CMBL: variants seen among roughly 807,000 people sequenced by gnomAD.
CMBL encodes the protein carboxymethylenebutenolidase homolog (Pseudomonas).
In CMBL, 17 loss-of-function variants were observed where a neutral mutation model predicts 28.7. That is an observed-to-expected ratio of 0.59 (90% CI 0.41 to 0.89). The LOEUF is 0.89. Among genes scored for constraint, CMBL ranks in the 40% least tolerant of loss-of-function variants. The pLI is 0.00. For missense variants in CMBL, 310 were observed against 298.5 expected, an observed-to-expected ratio of 1.04 and a Z score of -0.28; for synonymous variants, 106 against 101.6, an observed-to-expected ratio of 1.04 and a Z score of -0.26.
At chr5:10,307,177 G>A (rs548366546) in intron 1 of CMBL, 135 of 152,330 alleles carry the variant, frequency 8.9e-4, no homozygotes, top group African/African-American at 3.0e-3. Context: ...TGTGGATGCT[G>A]ATTTAGTTGC....
chr5:10,291,868 C>G (rs895347103), intron 1 of CMBL, among the ~76,000 whole-genome samples: 3 of 152,090 alleles, frequency 2.0e-5, no homozygotes, highest in Admixed American at 2.0e-4. Context: ...CGCTGAAGAG[C>G]AGCTCATCAG....
intron 4 of CMBL, among the ~76,000 whole-genome samples, chr5:10,283,112 A>T (rs1746529781): frequency 6.7e-6 from 1 of 149,920 alleles, no homozygotes; most frequent in Non-Finnish European, 1.5e-5. Context: ...AAAAAAGAGG[A>T]TTATAAGAGT....
chr5:10,280,726 A>G (rs1579468686), intron 5 of CMBL, 94 bp from the exon 6 acceptor site: 1 of 1,071,328 alleles, frequency 9.3e-7, no homozygotes, highest in East Asian at 2.4e-5. Flanking sequence ...ATTTAACATC[A>G]ATGCTTTAAA....
chr5:10,305,277 C>T (rs1305657245), intron 1 of CMBL, among the ~76,000 whole-genome samples: 4 of 152,140 alleles, frequency 2.6e-5, no homozygotes, highest in Non-Finnish European at 1.5e-5. Context: ...ATGCATGATT[C>T]CCCATAGACA....
intron 1 of CMBL, among the ~76,000 whole-genome samples, chr5:10,291,288 G>A (rs62362616): frequency 6.6e-6 from 1 of 152,222 alleles, no homozygotes; most frequent in African/African-American, 2.4e-5. Flanking sequence ...CAAAGCAAAA[G>A]GAGAAGAGCT....
intron 1 of CMBL, among the ~76,000 whole-genome samples, chr5:10,299,345 A>G (rs888188726): frequency 6.6e-6 from 1 of 152,214 alleles, no homozygotes; most frequent in African/African-American, 2.4e-5. Flanking sequence ...TAAGGAAACT[A>G]TAATAAAAAC....
intron 1 of CMBL, among the ~76,000 whole-genome samples, chr5:10,297,367 C>T (rs1746826721): frequency 6.6e-6 from 1 of 151,662 alleles, no homozygotes; most frequent in Non-Finnish European, 1.5e-5. Flanking sequence ...GTCAGGAGTT[C>T]GACACCAGCC....
intron 2 of CMBL, among the ~76,000 whole-genome samples, chr5:10,288,849 G>A (rs1232529102): frequency 1.3e-5 from 2 of 152,196 alleles, no homozygotes; most frequent in East Asian, 1.9e-4. Context: ...TGGGCCTGAC[G>A]TGGGTGGCTT....
At chr5:10,302,682 G>A (rs1746921356) in intron 1 of CMBL, among the ~76,000 whole-genome samples, 1 of 151,854 alleles carries the variant, frequency 6.6e-6, no homozygotes, top group Non-Finnish European at 1.5e-5. Flanking sequence ...CAAATGACCA[G>A]CATTAACATT....
chr5:10,300,173 C>T (rs1025437282), intron 1 of CMBL, among the ~76,000 whole-genome samples: 8 of 152,078 alleles, frequency 5.3e-5, no homozygotes, highest in Admixed American at 3.9e-4. Flanking sequence ...GAGGGGAAAA[C>T]GTGGACAAAG....
intron 1 of CMBL, among the ~76,000 whole-genome samples, chr5:10,294,415 T>C (rs1036190700): frequency 2.6e-5 from 4 of 151,976 alleles, no homozygotes; most frequent in African/African-American, 9.7e-5. Flanking sequence ...AATTCAAAAC[T>C]TAACTGGGCA....
At position 10,306,647 on chromosome 5, in the gene CMBL, T is replaced by G. The variant is rs75222090; in HGVS notation, c.-20+978A>C. Reference sequence around the variant, plus strand: ...TGTAGGAACTTGCATGGCAAGTGATTTTCAATCTTGCAGCAGGGAAGGCAG... The same window carrying G: ...TGTAGGAACTTGCATGGCAAGTGATGTTCAATCTTGCAGCAGGGAAGGCAG... On this transcript the variant is annotated intron_variant, in intron 1 of 5. Transcript: ENST00000296658. Among the ~76,000 whole-genome samples the G allele has an allele frequency of 2.8e-3, 419 of 152,280 alleles. 8 individuals carry two copies. In the East Asian group the frequency reaches 0.072, roughly 26 times the overall value.
At chr5:10,305,123 G>T (rs780369119) in intron 1 of CMBL, among the ~76,000 whole-genome samples, 6 of 152,124 alleles carry the variant, frequency 3.9e-5, no homozygotes, top group Non-Finnish European at 8.8e-5. Flanking sequence ...GCCACCTTCT[G>T]GTCATCCCCA....
intron 1 of CMBL, among the ~76,000 whole-genome samples, chr5:10,301,986 C>T (rs900183397): frequency 3.3e-5 from 5 of 152,176 alleles, no homozygotes; most frequent in Admixed American, 2.0e-4. Flanking sequence ...TACAGCCAGG[C>T]GAGCAGCCCT....
At position 10,278,787 on chromosome 5, in the gene CMBL, T is replaced by C. The variant is rs1006230189; in HGVS notation, c.*1666A>G. On this transcript the variant is annotated 3_prime_UTR_variant, in exon 6 of 6. Transcript: ENST00000296658. ...GGGAGAGTGGCTGTCTCAGTAGGAA[T>C]AAACTGGACACAGGTCAGATGAGAG... Among the ~76,000 whole-genome samples the C allele has an allele frequency of 6.6e-6, 1 of 152,014 alleles. No individual in the cohort carries two copies. Among genetic ancestry groups the C allele is most frequent in the Admixed American group, 6.6e-5 (1 of 15,246 alleles).
chr5:10,287,950 C>T (rs1746634775), intron 3 of CMBL, among the ~76,000 whole-genome samples: 1 of 149,150 alleles, frequency 6.7e-6, no homozygotes, highest in Admixed American at 6.7e-5. Flanking sequence ...AGGCTGGTCT[C>T]AAACTCCTGA....
chr5:10,300,905 A>T (rs929609616), intron 1 of CMBL, among the ~76,000 whole-genome samples: 4 of 149,074 alleles, frequency 2.7e-5, no homozygotes, highest in African/African-American at 7.3e-5. Context: ...GAAAAATCTC[A>T]AAGACATAAT....
intron 4 of CMBL, among the ~76,000 whole-genome samples, chr5:10,284,043 G>A (rs80280008): frequency 0.042 from 6,411 of 152,294 alleles, 425 homozygotes; most frequent in African/African-American, 0.14. Flanking sequence ...CAGGAGGCAG[G>A]GAGCCACGGG....
At chr5:10,282,116 C>T (rs190841883) in intron 5 of CMBL, 81 bp downstream of exon 5, 12,387 of 963,446 alleles carry the variant, frequency 0.013, 114 homozygotes, top group Non-Finnish European at 0.017. Flanking sequence ...GCCGAGATCG[C>T]GCCACTGCAT....
Sources: allele counts gnomAD v4.1 joint callset (sites outside exome capture counted in the v4.1 genomes callset), GRCh38; gene constraint gnomAD v4.1.1; transcripts MANE v1.5; gene names NCBI Gene and HGNC (gene_info 2026-07-23, HGNC 2026-07-21).